The following SENP7 variants were observed in gnomAD, a reference collection of about 807,000 sequenced individuals.
SENP7 encodes the protein SUMO specific peptidase 7.
In SENP7, 64 loss-of-function variants were observed where a neutral mutation model predicts 141.2. That is an observed-to-expected ratio of 0.45 (90% CI 0.37 to 0.56). The LOEUF (loss-of-function observed/expected upper bound fraction) is 0.56. Ranked by LOEUF, SENP7 falls within the 20% of genes least tolerant of loss-of-function variation. The pLI is 0.00. For synonymous variants in SENP7, 382 were observed against 426.4 expected, an observed-to-expected ratio of 0.90 and a Z score of 1.28; for missense variants, 1,025 against 1,212.2, an observed-to-expected ratio of 0.85 and a Z score of 2.29.
At chr3:101,471,299 CA>C in intron 3 of SENP7, among the ~76,000 whole-genome samples, 1 of 152,258 alleles carries the variant, frequency 6.6e-6, no homozygotes, top group East Asian at 1.9e-4. Context: ...GGTACCAAAA[CA>C]GAGATATAGA....
rs2058850610 is a variant in SENP7 at position 101,324,342 on chromosome 3, AG to A, written c.*1600del. 1 of 152,142 alleles carries A rather than the reference AG, an allele frequency of 6.6e-6. No homozygotes were observed. The highest frequency in any genetic ancestry group is 2.4e-5 in the African/African-American group (1 of 41,454). The allele number at this position is 152,142 out of a possible 1,614,324, so 9.4% of individuals were successfully genotyped here. A position where few individuals can be genotyped will look rare whatever the true frequency, so the allele number is the denominator to read the frequency against. ...CAAAACATTACTTGCACATTAATTT[AG>A]GAAAATGAATTTTAAACAATCTTCA... On this transcript the variant is annotated 3_prime_UTR_variant, in exon 24 of 24. Transcript: ENST00000394095.
intron 4 of SENP7, among the ~76,000 whole-genome samples, chr3:101,436,707 C>T (rs891566618): frequency 1.1e-4 from 17 of 151,974 alleles, no homozygotes; most frequent in African/African-American, 4.1e-4. Flanking sequence ...CAGAGAAATG[C>T]AAATCAAAAC....
At chr3:101,461,337 TAAAAATATCAATAAC>T (rs1358913356) in intron 3 of SENP7, among the ~76,000 whole-genome samples, 1 of 151,972 alleles carries the variant, frequency 6.6e-6, no homozygotes, top group Admixed American at 6.6e-5. Flanking sequence ...AAAATCCCTA[TAAAAATATCAATAAC>T]ATTCTTCCCA....
At chr3:101,401,345 A>G (rs1236984492) in intron 5 of SENP7, among the ~76,000 whole-genome samples, 1 of 151,870 alleles carries the variant, frequency 6.6e-6, no homozygotes, top group Admixed American at 6.6e-5. Context: ...CCTTGCCAAC[A>G]TGGTGAAACC....
At chr3:101,495,426 T>C (rs2065124351) in intron 2 of SENP7, among the ~76,000 whole-genome samples, 1 of 152,162 alleles carries the variant, frequency 6.6e-6, no homozygotes, top group African/African-American at 2.4e-5. Flanking sequence ...ATATAAATCA[T>C]TCTATTACAA....
At chr3:101,335,691 C>T (rs1339336365) in intron 17 of SENP7, among the ~76,000 whole-genome samples, 1 of 152,124 alleles carries the variant, frequency 6.6e-6, no homozygotes, top group Non-Finnish European at 1.5e-5. Context: ...ATACAAAATT[C>T]ACAATCTCTA....
chr3:101,414,752 G>A (rs1389877139), intron 5 of SENP7: 5 of 619,684 alleles, frequency 8.1e-6, no homozygotes, highest in South Asian at 2.1e-5. Context: ...GGCCACAAGT[G>A]TAATGCATAT....
intron 5 of SENP7, among the ~76,000 whole-genome samples, chr3:101,404,049 C>T (rs2061230268): frequency 6.6e-6 from 1 of 152,120 alleles, no homozygotes; most frequent in Non-Finnish European, 1.5e-5. Flanking sequence ...CAACATTCTT[C>T]ATAGAATTAG....
intron 11 of SENP7, chr3:101,358,055 CT>C: frequency 1.5e-6 from 1 of 648,040 alleles, no homozygotes; most frequent in South Asian, 1.7e-5. Context: ...ATCCTCAACC[CT>C]TATTAAACAT....
In SENP7 at chr3:101,366,768, T is replaced by C; in HGVS notation, c.980A>G (p.Lys327Arg). The change falls in exon 9 of 24, where the codon AAA becomes AGA. Residue 327 changes from lysine (K) to arginine (R), a missense_variant and splice_region_variant. Lys to Arg is a conservative substitution (Grantham distance 26, BLOSUM62 2). Coordinates refer to ENST00000394095, the MANE Select transcript of SENP7 (RefSeq NM_020654.5). ...TATTGTTGAGTCATCTTCTTGTTTT[T>C]TCTAAACATAAACACATAGAAAAAA... ...TSLDKSTEQT[K>R]KQEDDSTIST... 1 of 1,571,798 alleles carries C rather than the reference T, an allele frequency of 6.4e-7. No individual in the cohort carries two copies. Among genetic ancestry groups the C allele is most frequent in the Non-Finnish European group, 8.6e-7 (1 of 1,157,694 alleles).
intron 16 of SENP7, among the ~76,000 whole-genome samples, chr3:101,339,878 A>G (rs539646541): frequency 3.3e-5 from 5 of 152,382 alleles, no homozygotes; most frequent in East Asian, 3.9e-4. Flanking sequence ...GCAAAAAAGC[A>G]GCAACTCTTC....
chr3:101,495,978 T>C (rs2065144151), intron 2 of SENP7, among the ~76,000 whole-genome samples: 1 of 152,210 alleles, frequency 6.6e-6, no homozygotes, highest in African/African-American at 2.4e-5. Context: ...GAATACCCAA[T>C]AAATATCTAC....
At chr3:101,442,569 A>G (rs1178144592) in intron 4 of SENP7, among the ~76,000 whole-genome samples, 1 of 152,156 alleles carries the variant, frequency 6.6e-6, no homozygotes, top group Non-Finnish European at 1.5e-5. Context: ...GTACCAGTCC[A>G]TGGCTCCAGG....
At chr3:101,463,952 G>A (rs958606526) in intron 3 of SENP7, among the ~76,000 whole-genome samples, 14 of 152,028 alleles carry the variant, frequency 9.2e-5, no homozygotes, top group African/African-American at 3.4e-4. Context: ...AGCCTCCCAA[G>A]TAGTTGGGAT....
chr3:101,437,979 G>A (rs933347376), intron 4 of SENP7, among the ~76,000 whole-genome samples: 1 of 150,934 alleles, frequency 6.6e-6, no homozygotes, highest in Non-Finnish European at 1.5e-5. Context: ...GAAGAAACTG[G>A]AAATTTACTC....
At chr3:101,499,662 AG>A (rs1233440779) in intron 2 of SENP7, among the ~76,000 whole-genome samples, 1 of 151,932 alleles carries the variant, frequency 6.6e-6, no homozygotes, top group Non-Finnish European at 1.5e-5. Context: ...CAGCCTCCCG[AG>A]TAGCTGGGAC....
In SENP7 at chr3:101,463,396, T is replaced by TATATATATATATAC. The variant is rs1320861204; in HGVS notation, c.187-4345_187-4344insGTATATATATATAT. ...ATATATATATATATATATATATATATACATATATATATATATATATACACA... is the reference window on the plus strand; with the variant it reads ...ATATATATATATATATATATATATATATATATATATATACACATATATATATATATATATACACA... On this transcript the variant is annotated intron_variant, in intron 3 of 23. Coordinates refer to ENST00000394095, the MANE Select transcript of SENP7 (RefSeq NM_020654.5). 2.9e-4 allele frequency among the ~76,000 whole-genome samples: 24 copies of TATATATATATATAC among 82,846 alleles called. No individual in the cohort carries two copies. The South Asian group carries it at 4.8e-3, about 17-fold the overall frequency. 54.4% of individuals were successfully genotyped at this position (82,846 alleles called of 152,430 possible).
At chr3:101,454,159 A>G (rs1048371952) in intron 4 of SENP7, among the ~76,000 whole-genome samples, 3 of 152,372 alleles carry the variant, frequency 2.0e-5, no homozygotes, top group African/African-American at 7.2e-5. Flanking sequence ...GTTAAACAAT[A>G]TTAATGCATG....
At chr3:101,332,884 T>C in intron 17 of SENP7, 22 bp from the exon 18 acceptor site, 1 of 1,562,938 alleles carries the variant, frequency 6.4e-7, no homozygotes, top group East Asian at 2.3e-5. Flanking sequence ...AAAGACAGAT[T>C]TGATATATAA....
Sources: gnomAD v4.1 joint callset for allele counts (sites outside exome capture counted in the v4.1 genomes callset) on GRCh38, gnomAD v4.1.1 for gene constraint, MANE v1.5 for transcripts, NCBI Gene and HGNC (gene_info 2026-07-23, HGNC 2026-07-21) for gene names.